INO80D: variants seen among roughly 807,000 people sequenced by gnomAD.
The protein encoded by INO80D is INO80 complex subunit D.
In INO80D, 21 loss-of-function variants were observed where a neutral mutation model predicts 87.6. The ratio of observed to expected loss-of-function variants is 0.24; its 90% CI spans 0.17 to 0.35. The LOEUF (loss-of-function observed/expected upper bound fraction) is 0.35. Among genes scored for constraint, INO80D ranks in the 10% least tolerant of loss-of-function variants. The pLI is 1.00. For missense variants in INO80D, 982 were observed against 1,280.7 expected (o/e 0.77, Z 3.56); for synonymous variants, 440 against 491.0 (o/e 0.90, Z 1.37).
chr2:206,025,441 T>C (rs1328799019), intron 6 of INO80D, among the ~76,000 whole-genome samples: 2 of 148,580 alleles, frequency 1.3e-5, no homozygotes, highest in African/African-American at 5.0e-5. Flanking sequence ...GGCAGGAGAA[T>C]TGCTTGAACC....
chr2:206,033,772 C>A (rs937585710), intron 5 of INO80D, among the ~76,000 whole-genome samples: 1 of 151,606 alleles, frequency 6.6e-6, no homozygotes, highest in African/African-American at 2.4e-5. Flanking sequence ...AACAAACAAA[C>A]AAAAAAATAC....
intron 7 of INO80D, 40 bp from the exon 8 acceptor site, chr2:206,017,853 C>T: frequency 1.3e-6 from 2 of 1,556,378 alleles, no homozygotes; most frequent in Non-Finnish European, 1.7e-6. Context: ...CACTGAAACT[C>T]TAATTTTTCA....
intron 1 of INO80D, among the ~76,000 whole-genome samples, chr2:206,080,305 T>G (rs1049921705): frequency 8.5e-5 from 13 of 152,080 alleles, no homozygotes; most frequent in Non-Finnish European, 1.6e-4. Flanking sequence ...AACACTACCG[T>G]CCACGGGGAC....
chr2:206,027,152 A>ACG (rs762375901), intron 6 of INO80D, among the ~76,000 whole-genome samples: 1,111 of 90,202 alleles, frequency 0.012, 9 homozygotes, highest in Non-Finnish European at 0.015. Context: ...GCACGCGCGC[A>ACG]CGCGCACACA....
intron 5 of INO80D, among the ~76,000 whole-genome samples, chr2:206,043,516 C>A (rs1689109773): frequency 6.7e-6 from 1 of 149,316 alleles, no homozygotes; most frequent in African/African-American, 2.5e-5. Context: ...GAGATGGAGT[C>A]TCGCTCTGTC....
At chr2:206,070,515 T>C (rs1257324674) in intron 1 of INO80D, among the ~76,000 whole-genome samples, 6 of 151,912 alleles carry the variant, frequency 3.9e-5, no homozygotes, top group Admixed American at 6.6e-5. Context: ...GGTCAGGAGA[T>C]AGAGACCATC....
chr2:206,072,424 C>T (rs780596520), intron 1 of INO80D, among the ~76,000 whole-genome samples: 2 of 151,690 alleles, frequency 1.3e-5, no homozygotes, highest in South Asian at 2.1e-4. Flanking sequence ...TATAGGCGCC[C>T]GCCACCACGC....
intron 6 of INO80D, among the ~76,000 whole-genome samples, chr2:206,022,410 G>A (rs1416041322): frequency 2.0e-5 from 3 of 151,978 alleles, no homozygotes; most frequent in Non-Finnish European, 4.4e-5. Context: ...AATGCTTGAT[G>A]TAATGTTAGA....
At chr2:206,064,014 T>G (rs1689751976) in intron 1 of INO80D, among the ~76,000 whole-genome samples, 1 of 152,156 alleles carries the variant, frequency 6.6e-6, no homozygotes, top group Non-Finnish European at 1.5e-5. Flanking sequence ...GTATTTAAAT[T>G]TCTGTCATTA....
rs141828628 is a variant in INO80D, at chr2:206,018,287, G to A, written c.1409-474C>T. Among the ~76,000 whole-genome samples the A allele has an allele frequency of 9.7e-3, 1,471 of 152,304 alleles. 13 individuals are homozygous for A. Among genetic ancestry groups the A allele is most frequent in the Middle Eastern group, 0.027 (8 of 294 alleles). ...AGCCTCCCGAGTAACTGGGATTACA[G>A]GCATCTGTCACCACATCCAGATAAT... On this transcript the variant is annotated intron_variant, in intron 7 of 10. Transcript: ENST00000403263.
intron 6 of INO80D, among the ~76,000 whole-genome samples, chr2:206,027,156 GCACACACA>G (rs34673264): frequency 2.0e-5 from 3 of 151,198 alleles, no homozygotes; most frequent in African/African-American, 4.9e-5. Flanking sequence ...GCGCGCACGC[GCACACACA>G]CACACACACA....
At chr2:206,072,599 A>C (rs1190765403) in intron 1 of INO80D, among the ~76,000 whole-genome samples, 1 of 151,956 alleles carries the variant, frequency 6.6e-6, no homozygotes, top group Non-Finnish European at 1.5e-5. Context: ...TTTTGATTAC[A>C]AGGTTACAGT....
intron 5 of INO80D, among the ~76,000 whole-genome samples, chr2:206,034,129 C>A (rs1289304077): frequency 6.6e-6 from 1 of 152,064 alleles, no homozygotes; most frequent in African/African-American, 2.4e-5. Context: ...AAAAATCAGT[C>A]CAGGATCAGA....
intron 5 of INO80D, 69 bp from the exon 6 acceptor site, chr2:206,028,404 G>T: frequency 7.9e-7 from 1 of 1,265,286 alleles, no homozygotes; most frequent in Non-Finnish European, 1.1e-6. Context: ...GGGTAAACGA[G>T]AATTAGGAAA....
rs1687801429 is a variant in INO80D, at chr2:205,996,020, A to G, written c.*8348T>C. On this transcript the variant is annotated 3_prime_UTR_variant, in exon 11 of 11. Transcript: ENST00000403263. ...GTGTGGAAATAAACCTAACACTAAT[A>G]TCGATCATAAAATCATAATTATGTT... 1 of 152,160 alleles carries G rather than the reference A, an allele frequency of 6.6e-6. No individual in the cohort carries two copies. Among genetic ancestry groups the G allele is most frequent in the Non-Finnish European group, 1.5e-5 (1 of 67,974 alleles). 9.4% of individuals were successfully genotyped at this position (152,160 alleles called of 1,614,324 possible).
At chr2:206,045,738 C>T (rs182646516) in intron 5 of INO80D, among the ~76,000 whole-genome samples, 1 of 151,826 alleles carries the variant, frequency 6.6e-6, no homozygotes, top group Admixed American at 6.6e-5. Context: ...AATTGTAGCA[C>T]AGTAGAAATA....
chr2:206,017,835 G>C, intron 7 of INO80D, 22 bp from the exon 8 acceptor site: 1 of 1,582,104 alleles, frequency 6.3e-7, no homozygotes. Context: ...TAAGTTAGGA[G>C]TAAAATACAC....
intron 6 of INO80D, among the ~76,000 whole-genome samples, chr2:206,023,005 C>T (rs554395287): frequency 6.6e-6 from 1 of 152,086 alleles, no homozygotes; most frequent in Non-Finnish European, 1.5e-5. Flanking sequence ...TCGAGACCAG[C>T]TTGGCCAACA....
chr2:206,010,080 C>T (rs1238993362), intron 8 of INO80D, among the ~76,000 whole-genome samples: 2 of 148,496 alleles, frequency 1.3e-5, no homozygotes, highest in Admixed American at 7.0e-5. Context: ...CACACACACA[C>T]ACACACGCAC....
Sources: allele counts gnomAD v4.1 joint callset (sites outside exome capture counted in the v4.1 genomes callset), GRCh38; gene constraint gnomAD v4.1.1; transcripts MANE v1.5; gene names NCBI Gene and HGNC (gene_info 2026-07-23, HGNC 2026-07-21).